The following DCP1B variants were observed in gnomAD, a reference collection of about 807,000 sequenced individuals.
DCP1B encodes the protein mRNA-decapping enzyme 1B.
DCP1B carries 47 observed loss-of-function variants against 60.5 expected under a neutral mutation model. The ratio of observed to expected loss-of-function variants is 0.78; its 90% CI spans 0.61 to 0.99. The LOEUF (loss-of-function observed/expected upper bound fraction) is 0.99, where lower values mean the gene tolerates loss of function less well. Among genes scored for constraint, DCP1B ranks in the 50% least tolerant of loss-of-function variants. DCP1B has a pLI of 0.00. For synonymous variants in DCP1B, 267 were observed against 280.3 expected, an observed-to-expected ratio of 0.95 and a Z score of 0.47; for missense variants, 725 against 756.8, an observed-to-expected ratio of 0.96 and a Z score of 0.49.
At chr12:1,992,866 A>G (rs1204527211) in intron 3 of DCP1B, 1 of 434,132 alleles carries the variant, frequency 2.3e-6, no homozygotes, top group African/African-American at 2.0e-5. Context: ...CTCGGCCAAA[A>G]GTGATACATA....
At chr12:1,943,449 C>T (rs1165125823), downstream of DCP1B, among the ~76,000 whole-genome samples, 1 of 152,186 alleles carries the variant, frequency 6.6e-6, no homozygotes, top group Non-Finnish European at 1.5e-5. Flanking sequence ...AGGCCAGCAT[C>T]ATCTTGATAC....
chr12:1,951,903 A>C (rs981718990), intron 7 of DCP1B, among the ~76,000 whole-genome samples: 1 of 152,238 alleles, frequency 6.6e-6, no homozygotes, highest in Non-Finnish European at 1.5e-5. Flanking sequence ...ACAGTCAAAA[A>C]TTACGGTTTT....
At chr12:1,981,318 G>A (rs984632260) in intron 3 of DCP1B, among the ~76,000 whole-genome samples, 1 of 152,180 alleles carries the variant, frequency 6.6e-6, no homozygotes, top group East Asian at 1.9e-4. Context: ...TGAACTTTTA[G>A]GTTAAGTTTC....
At chr12:1,968,439 A>C (rs1312982167) in intron 3 of DCP1B, among the ~76,000 whole-genome samples, 3 of 152,130 alleles carry the variant, frequency 2.0e-5, no homozygotes, top group Non-Finnish European at 4.4e-5. Context: ...CACACATTGA[A>C]GAAACTGTGC....
chr12:1,997,381 G>A (rs564376896), intron 2 of DCP1B, among the ~76,000 whole-genome samples: 109 of 152,198 alleles, frequency 7.2e-4, no homozygotes, highest in Admixed American at 1.1e-3. Context: ...TTAGCTGGGC[G>A]TGGTGGCGCA....
At position 1,984,964 on chromosome 12, in the gene DCP1B, A is replaced by C. The variant is rs549986693; in HGVS notation, c.319+8300T>G. Among the ~76,000 whole-genome samples the C allele has an allele frequency of 2.6e-5, 4 of 152,076 alleles. No homozygotes were observed. The East Asian group carries it at 5.8e-4, about 22-fold the overall frequency. On this transcript the variant is annotated intron_variant, in intron 3 of 8. Transcript: ENST00000280665. Reference sequence around the variant, plus strand: ...CTGGCCTACATAATTTCTGATAAGAAATCTGCAGTCATTCAAAACATTATT... The same window carrying C: ...CTGGCCTACATAATTTCTGATAAGACATCTGCAGTCATTCAAAACATTATT...
intron 3 of DCP1B, among the ~76,000 whole-genome samples, chr12:1,975,232 T>C (rs753268848): frequency 6.6e-5 from 10 of 152,144 alleles, no homozygotes; most frequent in Non-Finnish European, 1.5e-4. Context: ...AGTTAAATTG[T>C]GTTTTGGTTC....
intron 3 of DCP1B, among the ~76,000 whole-genome samples, chr12:1,986,934 C>G (rs2037960336): frequency 6.6e-6 from 1 of 152,066 alleles, no homozygotes; most frequent in African/African-American, 2.4e-5. Flanking sequence ...AAGTTCAATC[C>G]CTTTTTGCTA....
rs954354426 is a variant in DCP1B, at chr12:1,965,671, T to C, written c.409A>G (p.Lys137Glu). 3 of 1,613,424 alleles carry C rather than the reference T, an allele frequency of 1.9e-6. No individual in the cohort carries two copies. Among genetic ancestry groups the C allele is most frequent in the South Asian group, 1.1e-5 (1 of 90,956 alleles). Residue 137 changes from lysine to glutamate, a missense_variant, in exon 5 of 9, where the codon AAA (lysine) becomes GAA (glutamate). Lys to Glu is a moderately conservative substitution (Grantham distance 56). Transcript: ENST00000280665. ...CCTGCTCCAGTTCCCTGATGGGCTT[T>C]CAACTGTTCATACTGAGTTAGGCTA... ...MKNLTQYEQL[K>E]AHQGTGAGIS...
chr12:1,957,565 A>G (rs1462272536), intron 5 of DCP1B, among the ~76,000 whole-genome samples: 1 of 152,190 alleles, frequency 6.6e-6, no homozygotes, highest in Non-Finnish European at 1.5e-5. Flanking sequence ...TAAACCACAA[A>G]ACACAAATAG....
intron 3 of DCP1B, chr12:1,970,676 A>G: frequency 6.0e-6 from 1 of 165,542 alleles, no homozygotes; most frequent in South Asian, 1.5e-4. Context: ...TAAAAACCAG[A>G]GATCACCATG....
intron 1 of DCP1B, among the ~76,000 whole-genome samples, chr12:1,998,599 C>G (rs1346131808): frequency 6.6e-6 from 1 of 152,162 alleles, no homozygotes; most frequent in Non-Finnish European, 1.5e-5. Flanking sequence ...CAAGTTAGGA[C>G]TCAAGAAATC....
At chr12:1,946,429 T>C (rs1002151838) in intron 8 of DCP1B, 143 bp from the exon 9 acceptor site, 6 of 601,366 alleles carry the variant, frequency 1.0e-5, no homozygotes, top group Non-Finnish European at 1.7e-5. Context: ...TTTAATTGCA[T>C]GTGTGAATGT....
In DCP1B at chr12:1,971,365, A is replaced by G. The variant is rs537520684; in HGVS notation, c.320-3455T>C. ...GTTGTAAAATTTTGCCTGTAACTGC[A>G]CTATCCTGGTTTATGCCGTTCTTTG... On this transcript the variant is annotated intron_variant, in intron 3 of 8. Transcript: ENST00000280665. This position sits in a 1 kb window ranked among gnomAD's most constrained non-coding sequence, Gnocchi z 4.2. Among the ~76,000 whole-genome samples the G allele has an allele frequency of 1.3e-5, 2 of 152,340 alleles. No homozygotes were observed. Among genetic ancestry groups the G allele is most frequent in the South Asian group, 4.1e-4 (2 of 4,832 alleles).
rs150056084 is a variant in DCP1B, at chr12:1,993,627, GGTGTGTGTGTGTGT to G, written c.192-250_192-237del. On this transcript the variant is annotated intron_variant, in intron 2 of 8. Transcript: ENST00000280665. ...TAAAATTGAGTCATACTTCATTTGT[GGTGTGTGTGTGTGT>G]GTGTGTGTGTGTGTGTATACAGATG... 7.5e-4 allele frequency among the ~76,000 whole-genome samples: 110 copies of G among 146,584 alleles called. 1 individual carries two copies. Among genetic ancestry groups the G allele is most frequent in the African/African-American group, 2.8e-3 (110 of 39,830 alleles).
At chr12:1,996,525 G>T (rs1412849177) in intron 2 of DCP1B, among the ~76,000 whole-genome samples, 2 of 148,232 alleles carry the variant, frequency 1.3e-5, no homozygotes, top group Non-Finnish European at 3.0e-5. Context: ...TAAAGCAGGG[G>T]TGTCCAATCT....
chr12:1,961,013 G>A (rs992490394), intron 5 of DCP1B, among the ~76,000 whole-genome samples: 1 of 152,208 alleles, frequency 6.6e-6, no homozygotes, highest in African/African-American at 2.4e-5. Context: ...GCGATGGAAT[G>A]CTCTTTCCAA....
rs2030550971 is a variant in DCP1B, at chr12:1,949,050, T to C, written c.1773+36A>G. 3 of 1,597,056 alleles carry C rather than the reference T, an allele frequency of 1.9e-6. No homozygotes were observed. The East Asian group carries it at 6.8e-5, about 36-fold the overall frequency. ...GTTGCAGCCAGGAGGCCAACAGGCG[T>C]GGTCAGGTGCGAAGGGAGATGACGT... On this transcript the variant is annotated intron_variant, in intron 8 of 8. Transcript: ENST00000280665.
At chr12:1,974,685 C>A (rs564748506) in intron 3 of DCP1B, among the ~76,000 whole-genome samples, 1 of 152,162 alleles carries the variant, frequency 6.6e-6, no homozygotes, top group South Asian at 2.1e-4. Context: ...ATATTCTAGT[C>A]GCGTTTGATA....
Sources: gnomAD v4.1 joint callset for allele counts (sites outside exome capture counted in the v4.1 genomes callset) on GRCh38, gnomAD v4.1.1 for gene constraint, Gnocchi (gnomAD v3.1) non-coding constraint, MANE v1.5 for transcripts, NCBI Gene and HGNC (gene_info 2026-07-23, HGNC 2026-07-21) for gene names.